The following CFLAR variants were observed in gnomAD, a reference collection of about 807,000 sequenced individuals.
CFLAR encodes the protein CASP8 and FADD-like apoptosis regulator.
CFLAR carries 14 observed loss-of-function variants against 51.1 expected under a neutral mutation model. The observed-to-expected ratio is 0.27, with a 90% CI of 0.18 to 0.43. The LOEUF (loss-of-function observed/expected upper bound fraction) is 0.43, where lower values mean the gene tolerates loss of function less well. CFLAR is among the 20% of genes least tolerant of loss of function. The pLI, the probability that CFLAR is intolerant of heterozygous loss-of-function variation, is 1.00. For missense variants in CFLAR, 390 were observed against 566.5 expected (o/e 0.69, Z 3.16); for synonymous variants, 210 against 211.6 (o/e 0.99, Z 0.06).
At position 201,167,479 on chromosome 2, in the gene CFLAR, A is replaced by G. The variant is rs983974654; in HGVS notation, c.*3506A>G. The G allele has an allele frequency of 1.3e-5, 2 of 152,224 alleles. No individual in the cohort carries two copies. Among genetic ancestry groups the G allele is most frequent in the African/African-American group, 4.8e-5 (2 of 41,440 alleles). 9.4% of individuals were successfully genotyped at this position (152,224 alleles called of 1,614,324 possible). A position where few individuals can be genotyped will look rare whatever the true frequency, so the allele number is the denominator to read the frequency against. On this transcript the variant is annotated 3_prime_UTR_variant, in exon 10 of 10. Coordinates refer to ENST00000309955, the MANE Select transcript of CFLAR (RefSeq NM_003879.7). ...TGTGATCACACCACTGCACTTCAGCATGGGAGACAGAGTGAGACCCTGTTT... is the reference window on the plus strand; with the variant it reads ...TGTGATCACACCACTGCACTTCAGCGTGGGAGACAGAGTGAGACCCTGTTT...
chr2:201,172,228 G>A lies in CFLAR; in HGVS notation c.*8255G>A, dbSNP rs906496770. On this transcript the variant is annotated 3_prime_UTR_variant, in exon 10 of 10. Coordinates refer to ENST00000309955, the MANE Select transcript of CFLAR (RefSeq NM_003879.7). ...ATATTGAATGAATCAGTGATGGATT[G>A]AAAAGAGAAATGATGGATCTCCTAA... The A allele has an allele frequency of 2.0e-5, 3 of 152,154 alleles. No homozygotes were observed. Among genetic ancestry groups the A allele is most frequent in the Admixed American group, 2.0e-4 (3 of 15,264 alleles). The allele number at this position is 152,154 out of a possible 1,614,324, so 9.4% of individuals were successfully genotyped here.
intron 2 of CFLAR, 41 bp downstream of exon 2, chr2:201,130,187 G>GGGGGGGGGGGGGGGGCC: frequency 3.4e-6 from 1 of 292,390 alleles, no homozygotes. Flanking sequence ...GGGTGGGAGG[G>GGGGGGGGGGGGGGGGCC]AGTGAAGTGT....
chr2:201,124,908 A>C lies in CFLAR; in HGVS notation c.-137-4821A>C, dbSNP rs566158928. Among the ~76,000 whole-genome samples, 1 of 152,120 alleles carries C rather than the reference A, an allele frequency of 6.6e-6. No individual in the cohort carries two copies. Among genetic ancestry groups the C allele is most frequent in the Non-Finnish European group, 1.5e-5 (1 of 68,006 alleles). ...TTAGCAGTGTCAGCTGGAGTTGAGCAGTCAGATGAAAGAGGACTTCCAAGT... is the reference window on the plus strand; with the variant it reads ...TTAGCAGTGTCAGCTGGAGTTGAGCCGTCAGATGAAAGAGGACTTCCAAGT... On this transcript the variant is annotated intron_variant, in intron 1 of 9. Transcript: ENST00000309955. This position sits in a 1 kb window ranked among gnomAD's most constrained non-coding sequence, Gnocchi z 4.7.
chr2:201,159,446 AC>A (rs1942742213), intron 8 of CFLAR, among the ~76,000 whole-genome samples: 1 of 151,930 alleles, frequency 6.6e-6, no homozygotes, highest in South Asian at 2.1e-4. Flanking sequence ...AGTAGCTGGG[AC>A]TACAGGTGCG....
At chr2:201,128,740 T>A (rs1200094389) in intron 1 of CFLAR, among the ~76,000 whole-genome samples, 1 of 152,226 alleles carries the variant, frequency 6.6e-6, no homozygotes, top group Non-Finnish European at 1.5e-5. Context: ...GATTTTAACC[T>A]GAAATATTGT....
chr2:201,158,929 G>A (rs1424446115), intron 8 of CFLAR, among the ~76,000 whole-genome samples: 2 of 151,492 alleles, frequency 1.3e-5, no homozygotes, highest in Non-Finnish European at 1.5e-5. Flanking sequence ...CCAGGCTGGA[G>A]TGCAGTGGCG....
Position 201,173,821 on chromosome 2 carries a change from A to G in CFLAR, c.*9848A>G, listed in dbSNP as rs1344582164. ...CTAGTAACTGGGATTACAGGCACCCACCATCACGCCTGGCTAATTTTTGTA... is the reference window on the plus strand; with the variant it reads ...CTAGTAACTGGGATTACAGGCACCCGCCATCACGCCTGGCTAATTTTTGTA... On this transcript the variant is annotated 3_prime_UTR_variant, in exon 10 of 10. Coordinates refer to ENST00000309955, the MANE Select transcript of CFLAR (RefSeq NM_003879.7). 1.4e-5 allele frequency: 2 copies of G among 146,836 alleles called. No homozygotes were observed. The highest frequency in any genetic ancestry group is 2.1e-4 in the East Asian group (1 of 4,862). The allele number at this position is 146,836 out of a possible 1,614,324, so 9.1% of individuals were successfully genotyped here. A position where few individuals can be genotyped will look rare whatever the true frequency, so the allele number is the denominator to read the frequency against.
In CFLAR at chr2:201,174,106, A is replaced by G. The variant is rs1356783350; in HGVS notation, c.*10133A>G. 2.6e-5 allele frequency: 4 copies of G among 152,236 alleles called. No homozygotes were observed. Among genetic ancestry groups the G allele is most frequent in the Non-Finnish European group, 5.9e-5 (4 of 68,040 alleles). 9.4% of individuals were successfully genotyped at this position (152,236 alleles called of 1,614,324 possible). On this transcript the variant is annotated 3_prime_UTR_variant, in exon 10 of 10. Coordinates refer to ENST00000309955, the MANE Select transcript of CFLAR (RefSeq NM_003879.7). ...TCTCACTTTCTGGATACTATACAGT[A>G]CAAGTTTTAAATTTTGATGAAGTTC...
At chr2:201,162,094 G>C (rs1943106524) in intron 9 of CFLAR, among the ~76,000 whole-genome samples, 1 of 151,590 alleles carries the variant, frequency 6.6e-6, no homozygotes, top group East Asian at 1.9e-4. Flanking sequence ...TCATGTAGAA[G>C]TATATCTTTT....
Position 201,171,173 on chromosome 2 carries a change from G to A in CFLAR, c.*7200G>A, listed in dbSNP as rs1183490784. 6.6e-6 allele frequency: 1 copy of A among 152,170 alleles called. No homozygotes were observed. Among genetic ancestry groups the A allele is most frequent in the Non-Finnish European group, 1.5e-5 (1 of 68,036 alleles). The allele number at this position is 152,170 out of a possible 1,614,324, so 9.4% of individuals were successfully genotyped here. A position where few individuals can be genotyped will look rare whatever the true frequency, so the allele number is the denominator to read the frequency against. On this transcript the variant is annotated 3_prime_UTR_variant, in exon 10 of 10. Transcript: ENST00000309955. The stretch of plus-strand genomic sequence containing the variant: ...GGGAAAGGGTGGGAGGGGGGTGAAG[G>A]ATAAAAGAATACAAATTGGGTTCAG...
intron 9 of CFLAR, chr2:201,163,300 G>A: frequency 7.9e-7 from 1 of 1,262,332 alleles, no homozygotes; most frequent in East Asian, 3.5e-5. Context: ...CATTTAAGCT[G>A]AATGAAGCCA....
intron 1 of CFLAR, among the ~76,000 whole-genome samples, chr2:201,126,269 A>C (rs533236679): frequency 5.3e-5 from 8 of 152,342 alleles, no homozygotes; most frequent in African/African-American, 1.9e-4. Flanking sequence ...GTTACAGGAA[A>C]GTAAACAGTT....
Position 201,124,314 on chromosome 2 carries a change from C to G in CFLAR, c.-137-5415C>G, listed in dbSNP as rs1172176390. ...TACCAGGGAAGTGTGTTAAGTGCTT[C>G]AATAGAGGTGTTTTGTTTTGTTTTG... On this transcript the variant is annotated intron_variant, in intron 1 of 9. Coordinates refer to ENST00000309955, the MANE Select transcript of CFLAR (RefSeq NM_003879.7). This position sits in a 1 kb window ranked among gnomAD's most constrained non-coding sequence, Gnocchi z 4.7. Among the ~76,000 whole-genome samples, 5 of 152,070 alleles carry G rather than the reference C, an allele frequency of 3.3e-5. No individual in the cohort carries two copies. In the East Asian group the frequency reaches 7.7e-4, roughly 23 times the overall value.
chr2:201,139,315 T>C (rs1257477993), intron 4 of CFLAR: 1 of 253,210 alleles, frequency 3.9e-6, no homozygotes, highest in Non-Finnish European at 7.8e-6. Context: ...CAGGGACCTC[T>C]GCCTAGGAAA....
At chr2:201,122,261 A>C (rs775355770) in intron 1 of CFLAR, among the ~76,000 whole-genome samples, 9 of 152,192 alleles carry the variant, frequency 5.9e-5, no homozygotes, top group Non-Finnish European at 1.0e-4. Flanking sequence ...AAAATTTTGC[A>C]TGGGGGCTTA....
intron 4 of CFLAR, chr2:201,139,089 G>A: frequency 2.6e-6 from 1 of 379,848 alleles, no homozygotes; most frequent in East Asian, 6.9e-5. Flanking sequence ...TCTGTACTAA[G>A]AAAAATTCTT....
intron 9 of CFLAR, 47 bp downstream of exon 9, chr2:201,160,989 G>C (rs542523512): frequency 7.2e-7 from 1 of 1,396,420 alleles, no homozygotes; most frequent in Admixed American, 1.9e-5. Flanking sequence ...GCTTATTTTC[G>C]TGCCACCAGG....
Position 201,163,948 on chromosome 2 carries a change from A to C in CFLAR, c.1418A>C (p.Lys473Thr). ...GTCTGGCTGCAGCACACTCTGAGAA[A>C]GAAACTTATCCTCTCCTACACATAA... is the stretch of plus-strand genomic sequence containing the variant. ...YYVWLQHTLR[K>T]KLILSYT The change falls in exon 10 of 10, where the codon AAG becomes ACG. Residue 473 changes from lysine (K) to threonine (T), a missense_variant. By Grantham distance (78) the Lys-to-Thr change is moderately conservative. Around this residue, in one of 2 missense-constraint regions of CFLAR, gnomAD observed 287 missense variants for 363.6 expected, o/e 0.79. Transcript: ENST00000309955. 1 of 1,614,056 alleles carries C rather than the reference A, an allele frequency of 6.2e-7. No individual in the cohort carries two copies. The highest frequency in any genetic ancestry group is 8.5e-7 in the Non-Finnish European group (1 of 1,179,990).
chr2:201,123,317 A>G (rs1052782982), intron 1 of CFLAR, among the ~76,000 whole-genome samples: 11 of 152,208 alleles, frequency 7.2e-5, no homozygotes, highest in African/African-American at 2.2e-4. Context: ...TTGTGCTGCT[A>G]TAACAAAATA....
Sources: gnomAD v4.1 joint callset for allele counts (sites outside exome capture counted in the v4.1 genomes callset) on GRCh38, gnomAD v4.1.1 for gene constraint, gnomAD v4.1.1 regional missense constraint, Gnocchi (gnomAD v3.1) non-coding constraint, MANE v1.5 for transcripts, NCBI Gene and HGNC (gene_info 2026-07-23, HGNC 2026-07-21) for gene names.